The following RPTOR variants were observed in gnomAD, a reference collection of about 807,000 sequenced individuals.
RPTOR encodes regulatory-associated protein of mTOR.
RPTOR carries 21 observed loss-of-function variants against 169.9 expected under a neutral mutation model. That is an observed-to-expected ratio of 0.12 (90% CI 0.09 to 0.18). The LOEUF is 0.18. RPTOR is among the 10% of genes least tolerant of loss of function. RPTOR has a pLI of 1.00. For synonymous variants in RPTOR, 732 were observed against 753.2 expected, an observed-to-expected ratio of 0.97 and a Z score of 0.46; for missense variants, 1,133 against 1,855.9, an observed-to-expected ratio of 0.61 and a Z score of 7.16.
chr17:80,902,245 C>G (rs919159123), intron 20 of RPTOR, among the ~76,000 whole-genome samples: 14 of 152,218 alleles, frequency 9.2e-5, no homozygotes, highest in Admixed American at 9.2e-4. Flanking sequence ...CCAGGTGAAG[C>G]CTTCGTTAAA....
At position 80,884,989 on chromosome 17, in the gene RPTOR, A is replaced by T. The variant is rs1598377594; in HGVS notation, c.1843-19A>T. The T allele has an allele frequency of 1.9e-6, 3 of 1,601,970 alleles. No individual in the cohort carries two copies. Among genetic ancestry groups the T allele is most frequent in the Non-Finnish European group, 2.6e-6 (3 of 1,175,628 alleles). ...TGGCCCGGTGTGGGACATGCCTGTG[A>T]CCCCCCGCCGCCTTGCAGGTCCGCT... On this transcript the variant is annotated intron_variant, in intron 16 of 33. Coordinates refer to ENST00000306801, the MANE Select transcript of RPTOR (RefSeq NM_020761.3).
chr17:80,816,407 T>C (rs1288872949), intron 7 of RPTOR, among the ~76,000 whole-genome samples: 1 of 152,162 alleles, frequency 6.6e-6, no homozygotes, highest in Non-Finnish European at 1.5e-5. Context: ...CCACAGGGAC[T>C]CTTGGAGTGG....
intron 19 of RPTOR, 105 bp downstream of exon 19, chr17:80,892,974 A>T: frequency 1.5e-6 from 2 of 1,374,098 alleles, no homozygotes; most frequent in Non-Finnish European, 2.0e-6. Flanking sequence ...CCTTCGTCTA[A>T]GTGCGTGCCC....
chr17:80,752,740 C>A (rs2066642235), intron 5 of RPTOR, among the ~76,000 whole-genome samples: 1 of 152,180 alleles, frequency 6.6e-6, no homozygotes, highest in Non-Finnish European at 1.5e-5. Flanking sequence ...AAAACAGGAA[C>A]CCACCTGGTA....
At position 80,922,812 on chromosome 17, in the gene RPTOR, A is replaced by G. The variant is rs749424344; in HGVS notation, c.2609A>G (p.His870Arg). 4 of 1,578,450 alleles carry G rather than the reference A, an allele frequency of 2.5e-6. No individual in the cohort carries two copies. In the South Asian group the frequency reaches 4.6e-5, roughly 18 times the overall value. The change falls in exon 22 of 34, where the codon CAC (histidine) becomes CGC (arginine). Residue 870 changes from histidine to arginine, a missense_variant. Around this residue, in one of 9 missense-constraint regions of RPTOR, gnomAD observed 123 missense variants for 129.0 expected, o/e 0.95. Coordinates refer to ENST00000306801, the MANE Select transcript of RPTOR (RefSeq NM_020761.3). ...GCCAGCCCCACCAACAAGGGCGTGC[A>G]CATCCACCAGGCGGGGTAAGTGCCG... The part of the protein sequence containing the change: ...APASPTNKGV[H>R]IHQAGGSPPA...
intron 1 of RPTOR, among the ~76,000 whole-genome samples, chr17:80,548,083 T>C (rs1023714294): frequency 3.8e-4 from 30 of 78,912 alleles, no homozygotes; most frequent in South Asian, 6.0e-4. Flanking sequence ...TGTTTCTTTT[T>C]TTTTTTTTTT....
chr17:80,941,541 C>A (rs920707731), intron 25 of RPTOR, among the ~76,000 whole-genome samples: 2 of 152,252 alleles, frequency 1.3e-5, no homozygotes, highest in African/African-American at 2.4e-5. Context: ...CCTGCCCTCG[C>A]GGCCACAGGC....
rs978134753 is a variant in RPTOR, at chr17:80,936,485, A to G, written c.2920-4011A>G. Among the ~76,000 whole-genome samples, 4 of 152,240 alleles carry G rather than the reference A, an allele frequency of 2.6e-5. No homozygotes were observed. The highest frequency in any genetic ancestry group is 4.8e-5 in the African/African-American group (2 of 41,458). On this transcript the variant is annotated intron_variant, in intron 24 of 33. Coordinates refer to ENST00000306801, the MANE Select transcript of RPTOR (RefSeq NM_020761.3). This position sits in a 1 kb window ranked among gnomAD's most constrained non-coding sequence, Gnocchi z 4.1. ...ACCTCGTAAAGAGAGAAGCTGATAC[A>G]ACCATACAATGAAAGACTCATCAGA...
chr17:80,859,757 C>T (rs2143760421), intron 13 of RPTOR, among the ~76,000 whole-genome samples: 1 of 152,358 alleles, frequency 6.6e-6, no homozygotes, highest in East Asian at 1.9e-4. Flanking sequence ...GGCGCTTGTG[C>T]GTGCATGTGT....
At chr17:80,856,170 C>T (rs2067850035) in intron 12 of RPTOR, among the ~76,000 whole-genome samples, 1 of 152,230 alleles carries the variant, frequency 6.6e-6, no homozygotes, top group South Asian at 2.1e-4. Context: ...GTAAACCTTA[C>T]TTGGTTCTGT....
intron 1 of RPTOR, among the ~76,000 whole-genome samples, chr17:80,608,472 C>T (rs922428749): frequency 2.6e-5 from 4 of 152,088 alleles, no homozygotes; most frequent in African/African-American, 7.2e-5. Flanking sequence ...GGTTTGTCAC[C>T]GATAATCCAG....
At chr17:80,916,191 A>G (rs1053829558) in intron 21 of RPTOR, among the ~76,000 whole-genome samples, 10 of 152,328 alleles carry the variant, frequency 6.6e-5, no homozygotes, top group Admixed American at 4.6e-4. Context: ...GAGAAGAGAA[A>G]AGGAGAGAAG....
At chr17:80,587,107 C>T (rs1438689508) in intron 1 of RPTOR, among the ~76,000 whole-genome samples, 1 of 152,216 alleles carries the variant, frequency 6.6e-6, no homozygotes, top group African/African-American at 2.4e-5. Context: ...TTGTCGGGTG[C>T]AGACGGGGCG....
chr17:80,623,599 C>A (rs4889871), intron 1 of RPTOR, among the ~76,000 whole-genome samples: 52,372 of 151,524 alleles, frequency 0.35, 9,186 homozygotes, highest in African/African-American at 0.4. Flanking sequence ...GCAGTGGTAC[C>A]GTCTCGGCTC....
intron 6 of RPTOR, among the ~76,000 whole-genome samples, chr17:80,780,632 C>T (rs1019560535): frequency 1.3e-5 from 2 of 152,066 alleles, no homozygotes; most frequent in Non-Finnish European, 2.9e-5. Context: ...TCATTTTTGC[C>T]GTTTATGCTA....
chr17:80,850,095 G>A (rs1161362191), intron 11 of RPTOR, among the ~76,000 whole-genome samples: 1 of 152,106 alleles, frequency 6.6e-6, no homozygotes, highest in African/African-American at 2.4e-5. Context: ...CAGGGTATAC[G>A]GGTGCAGGTT....
intron 2 of RPTOR, among the ~76,000 whole-genome samples, chr17:80,638,586 A>G (rs1268960542): frequency 6.6e-6 from 1 of 151,770 alleles, no homozygotes; most frequent in African/African-American, 2.4e-5. Flanking sequence ...AAATTATTGT[A>G]GAGACGGGGT....
intron 4 of RPTOR, among the ~76,000 whole-genome samples, chr17:80,714,137 C>T (rs138087490): frequency 0.018 from 2,773 of 152,184 alleles, 93 homozygotes; most frequent in African/African-American, 0.062. Flanking sequence ...GATGGGGTTT[C>T]ACCATGTTGA....
chr17:80,702,327 C>T (rs1291099562), intron 3 of RPTOR, among the ~76,000 whole-genome samples: 1 of 152,034 alleles, frequency 6.6e-6, no homozygotes, highest in Non-Finnish European at 1.5e-5. Context: ...CATATATTTT[C>T]TTGCACCTTG....
Sources: allele counts gnomAD v4.1 joint callset (sites outside exome capture counted in the v4.1 genomes callset), GRCh38; gene constraint gnomAD v4.1.1; regional missense constraint gnomAD v4.1.1; non-coding constraint Gnocchi (gnomAD v3.1); transcripts MANE v1.5; gene names NCBI Gene and HGNC (gene_info 2026-07-23, HGNC 2026-07-21).